The following KLF12 variants were observed in gnomAD, a reference collection of about 807,000 sequenced individuals.
KLF12 encodes the protein KLF transcription factor 12, also known as Krueppel-like factor 12.
In KLF12, 9 loss-of-function variants were observed where a neutral mutation model predicts 37.8. That is an observed-to-expected ratio of 0.24 (90% CI 0.14 to 0.42). The LOEUF (loss-of-function observed/expected upper bound fraction) is 0.42. Among genes scored for constraint, KLF12 ranks in the 10% least tolerant of loss-of-function variants. KLF12 has a pLI of 1.00. For synonymous variants in KLF12, 208 were observed against 202.1 expected (o/e 1.03, Z -0.25); for missense variants, 411 against 516.0 (o/e 0.80, Z 1.97).
chr13:74,105,064 T>A (rs1456297417), intron 1 of KLF12, among the ~76,000 whole-genome samples: 1 of 152,202 alleles, frequency 6.6e-6, no homozygotes, highest in Non-Finnish European at 1.5e-5. Context: ...CAGGGCCAAG[T>A]ACAGCAGAAG....
In KLF12 at chr13:73,745,572, T is replaced by C. The variant is rs11841491; in HGVS notation, c.869+19366A>G. 8.7e-4 allele frequency among the ~76,000 whole-genome samples: 133 copies of C among 152,290 alleles called. 1 individual carries two copies. The highest frequency in any genetic ancestry group is 2.4e-3 in the African/African-American group (99 of 41,556). On this transcript the variant is annotated intron_variant, in intron 6 of 7. Coordinates refer to ENST00000377669, the MANE Select transcript of KLF12 (RefSeq NM_007249.5). ...ATTTATATTTTGTAAAAGTATCACA[T>C]GTGATAATTACTGTTTTTCACACAC...
the KLF12 span, among the ~76,000 whole-genome samples, chr13:74,152,010 A>G: frequency 6.6e-6 from 1 of 152,194 alleles, no homozygotes; most frequent in Non-Finnish European, 1.5e-5. Flanking sequence ...GGCAACTAAC[A>G]CTGTGAGGAT....
intron 6 of KLF12, among the ~76,000 whole-genome samples, chr13:73,736,136 C>T (rs1354458463): frequency 6.6e-6 from 1 of 152,154 alleles, no homozygotes. Context: ...TAGACTGTCA[C>T]TCCTAAACCC....
intron 2 of KLF12, among the ~76,000 whole-genome samples, chr13:73,984,530 C>G (rs1432510264): frequency 6.6e-6 from 1 of 151,804 alleles, no homozygotes; most frequent in Non-Finnish European, 1.5e-5. Flanking sequence ...TGCCCTTGTA[C>G]ATCCAGTGTG....
chr13:73,840,311 C>T (rs1262544219), intron 4 of KLF12, among the ~76,000 whole-genome samples: 1 of 152,112 alleles, frequency 6.6e-6, no homozygotes, highest in Non-Finnish European at 1.5e-5. Flanking sequence ...GCTCAGGTGT[C>T]CAGTCGTCCA....
At chr13:74,257,704 G>A in the KLF12 span, 1 of 152,124 alleles carries the variant, frequency 6.6e-6, no homozygotes, top group Non-Finnish European at 1.5e-5. Flanking sequence ...TAAAAATGAT[G>A]CACTTTCTAC....
At chr13:73,720,320 A>G (rs1022421078) in intron 6 of KLF12, among the ~76,000 whole-genome samples, 2 of 152,122 alleles carry the variant, frequency 1.3e-5, no homozygotes, top group East Asian at 3.9e-4. Flanking sequence ...CCTCACAGGT[A>G]TATGCAACCT....
chr13:74,119,516 A>G (rs1877502606), intron 1 of KLF12, among the ~76,000 whole-genome samples: 1 of 152,200 alleles, frequency 6.6e-6, no homozygotes, highest in African/African-American at 2.4e-5. Flanking sequence ...ATGAACAGAG[A>G]AATTAAGCAA....
intron 7 of KLF12, among the ~76,000 whole-genome samples, chr13:73,701,433 T>C (rs1290473500): frequency 6.6e-6 from 1 of 152,218 alleles, no homozygotes; most frequent in South Asian, 2.1e-4. Flanking sequence ...CTTCTTTGCT[T>C]CTTTTGTCTA....
Position 73,704,787 on chromosome 13 carries a change from G to A in KLF12, c.1028-9116C>T, listed in dbSNP as rs533691392. The stretch of plus-strand genomic sequence containing the variant: ...TCAGCAGTGCCGACTCAGCAGTGCC[G>A]TACTGTGGATGACTTTGAGCCTTCT... On this transcript the variant is annotated intron_variant, in intron 7 of 7. Transcript: ENST00000377669. Among the ~76,000 whole-genome samples, 68 of 152,286 alleles carry A rather than the reference G, an allele frequency of 4.5e-4. No homozygotes were observed. In the South Asian group the frequency reaches 9.7e-3, roughly 22 times the overall value.
At chr13:74,268,941 G>A in the KLF12 span, among the ~76,000 whole-genome samples, 2 of 152,164 alleles carry the variant, frequency 1.3e-5, no homozygotes, top group Non-Finnish European at 2.9e-5. Context: ...TCCTGACACT[G>A]AAGAAAAATA....
intron 3 of KLF12, among the ~76,000 whole-genome samples, chr13:73,927,746 T>A (rs1242454639): frequency 6.9e-5 from 5 of 72,702 alleles, no homozygotes; most frequent in African/African-American, 9.4e-5. Context: ...CCCGGCTAAA[T>A]TTTTTTTTTT....
chr13:74,243,435 A>G, the KLF12 span, among the ~76,000 whole-genome samples: 1 of 152,200 alleles, frequency 6.6e-6, no homozygotes, highest in African/African-American at 2.4e-5. Flanking sequence ...GTGTCTTTAT[A>G]GTAGGATGAT....
At chr13:74,007,421 G>C (rs533757169) in intron 1 of KLF12, among the ~76,000 whole-genome samples, 2 of 131,858 alleles carry the variant, frequency 1.5e-5, no homozygotes, top group African/African-American at 5.7e-5. Context: ...ACAGGCGCCC[G>C]CCACCACGCC....
intron 3 of KLF12, among the ~76,000 whole-genome samples, chr13:73,906,782 A>G (rs7317838): frequency 0.54 from 81,615 of 151,988 alleles, 22,464 homozygotes; most frequent in African/African-American, 0.61. Flanking sequence ...AACATACAAT[A>G]TGGATTCTAG....
At chr13:74,285,036 A>C in the KLF12 span, among the ~76,000 whole-genome samples, 1 of 152,148 alleles carries the variant, frequency 6.6e-6, no homozygotes, top group Non-Finnish European at 1.5e-5. Context: ...TAACTCATCA[A>C]ATTTCTCTTG....
intron 3 of KLF12, among the ~76,000 whole-genome samples, chr13:73,895,414 T>C (rs1887716672): frequency 6.6e-6 from 1 of 152,214 alleles, no homozygotes; most frequent in South Asian, 2.1e-4. Flanking sequence ...GCAACACTGT[T>C]CACATCACAT....
intron 6 of KLF12, among the ~76,000 whole-genome samples, chr13:73,750,896 C>A (rs1878706216): frequency 1.3e-5 from 2 of 152,118 alleles, no homozygotes; most frequent in Non-Finnish European, 1.5e-5. Flanking sequence ...AAGATGGAAA[C>A]AATTTGTGAG....
intron 5 of KLF12, among the ~76,000 whole-genome samples, chr13:73,767,454 T>C (rs1408120420): frequency 6.6e-6 from 1 of 152,182 alleles, no homozygotes; most frequent in Non-Finnish European, 1.5e-5. Context: ...GTTCAGGCCT[T>C]AGTACTAACT....
Sources: gnomAD v4.1 joint callset for allele counts (sites outside exome capture counted in the v4.1 genomes callset) on GRCh38, gnomAD v4.1.1 for gene constraint, MANE v1.5 for transcripts, NCBI Gene and HGNC (gene_info 2026-07-23, HGNC 2026-07-21) for gene names.